C10orf143: variants seen among roughly 807,000 people sequenced by gnomAD.
C10orf143 encodes chromosome 10 open reading frame 143.
intron 3 of C10orf143, among the ~76,000 whole-genome samples, chr10:130,036,222 C>G (rs755698918): frequency 3.9e-5 from 6 of 152,212 alleles, no homozygotes; most frequent in African/African-American, 1.4e-4. Context: ...GGAAGATCCA[C>G]TCACAGAACT....
chr10:130,067,206 A>G (rs1403634148), intron 3 of C10orf143: 2 of 151,708 alleles, frequency 1.3e-5, no homozygotes, highest in African/African-American at 4.9e-5. Flanking sequence ...ACCACGCATG[A>G]ACTCCCTCAA....
chr10:130,043,464 G>T (rs540800117), intron 3 of C10orf143, among the ~76,000 whole-genome samples: 1 of 152,076 alleles, frequency 6.6e-6, no homozygotes, highest in Non-Finnish European at 1.5e-5. Context: ...AAAAAGCCCC[G>T]CCCCTCTGTA....
At position 130,106,383 on chromosome 10, in the gene C10orf143, A is replaced by C. The variant is rs751175348; in HGVS notation, c.69+4321T>G. The C allele has an allele frequency of 3.7e-6, 6 of 1,602,564 alleles. No individual in the cohort carries two copies. In the East Asian group the frequency reaches 1.3e-4, roughly 36 times the overall value. On this transcript the variant is annotated intron_variant, in intron 1 of 3. Coordinates refer to ENST00000637128, the MANE Select transcript of C10orf143 (RefSeq NM_001355042.2). ...GACTATGAAGTAGCGTCATCGTTAGAGGATGCCAGCTTTGAGAAGGCGGCA... is the reference window on the plus strand; with the variant it reads ...GACTATGAAGTAGCGTCATCGTTAGCGGATGCCAGCTTTGAGAAGGCGGCA...
chr10:130,043,007 C>T (rs551348797), intron 3 of C10orf143, among the ~76,000 whole-genome samples: 4 of 152,192 alleles, frequency 2.6e-5, no homozygotes, highest in Admixed American at 2.6e-4. Context: ...GGAGACAGTG[C>T]GGAAGCAAGC....
At chr10:130,100,438 G>A (rs1373295542) in intron 1 of C10orf143, among the ~76,000 whole-genome samples, 1 of 152,024 alleles carries the variant, frequency 6.6e-6, no homozygotes, top group African/African-American at 2.4e-5. Context: ...GCTGAGGCAC[G>A]AGAATTGCTT....
At chr10:130,106,734 A>C (rs762330432) in intron 1 of C10orf143, 1 of 1,257,704 alleles carries the variant, frequency 8.0e-7, no homozygotes, top group Non-Finnish European at 1.2e-6. Context: ...CAAGAAGCTG[A>C]AGTATGGAAC....
At chr10:130,106,808 C>A in intron 1 of C10orf143, 2 of 1,192,058 alleles carry the variant, frequency 1.7e-6, no homozygotes, top group South Asian at 2.4e-5. Flanking sequence ...ACATGCAGAA[C>A]AAGTTCTAAA....
intron 3 of C10orf143, among the ~76,000 whole-genome samples, chr10:130,070,050 G>T (rs1220731133): frequency 6.6e-6 from 1 of 152,056 alleles, no homozygotes; most frequent in South Asian, 2.1e-4. Context: ...AATGGGATTC[G>T]CATCTGACTG....
At chr10:130,057,018 G>A (rs1391077945) in intron 3 of C10orf143, among the ~76,000 whole-genome samples, 3 of 151,430 alleles carry the variant, frequency 2.0e-5, no homozygotes, top group South Asian at 2.1e-4. Context: ...CTCACTACTC[G>A]CTGAAAGTAC....
chr10:130,106,453 G>C, intron 1 of C10orf143: 1 of 1,602,612 alleles, frequency 6.2e-7, no homozygotes. Flanking sequence ...AGTTGAACAG[G>C]TCCAATTCTG....
At chr10:130,099,171 G>T (rs887069831) in intron 1 of C10orf143, among the ~76,000 whole-genome samples, 1 of 151,968 alleles carries the variant, frequency 6.6e-6, no homozygotes, top group African/African-American at 2.4e-5. Flanking sequence ...AACCAAAGAT[G>T]AATTATCATT....
At chr10:130,062,328 G>A (rs1352355030), downstream of C10orf143, among the ~76,000 whole-genome samples, 1 of 152,160 alleles carries the variant, frequency 6.6e-6, no homozygotes, top group Non-Finnish European at 1.5e-5. Context: ...GTCTGTGAGG[G>A]TGTTGCCAAA....
At chr10:130,090,712 C>A (rs1007170256) in intron 1 of C10orf143, among the ~76,000 whole-genome samples, 3 of 151,400 alleles carry the variant, frequency 2.0e-5, no homozygotes, top group African/African-American at 7.3e-5. Context: ...ACCTGGGATG[C>A]TTGAGCTTGG....
chr10:130,057,641 A>AG (rs35924564), intron 3 of C10orf143, among the ~76,000 whole-genome samples: 77,130 of 151,664 alleles, frequency 0.51, 19,829 homozygotes, highest in Admixed American at 0.6. Flanking sequence ...TTGTGGGGGA[A>AG]GGGGGCTTCA....
intron 3 of C10orf143, among the ~76,000 whole-genome samples, chr10:130,036,237 A>G (rs1860543750): frequency 6.6e-6 from 1 of 152,174 alleles, no homozygotes; most frequent in Non-Finnish European, 1.5e-5. Context: ...AGAACTAGGG[A>G]GTGACACAGC....
chr10:130,082,213 T>G (rs922150862), intron 1 of C10orf143, among the ~76,000 whole-genome samples: 1 of 152,040 alleles, frequency 6.6e-6, no homozygotes, highest in Non-Finnish European at 1.5e-5. Context: ...GGTCTCACTA[T>G]GTTGACCAGG....
At chr10:130,054,907 A>G (rs752655726) in intron 3 of C10orf143, among the ~76,000 whole-genome samples, 17 of 152,242 alleles carry the variant, frequency 1.1e-4, no homozygotes, top group Non-Finnish European at 2.4e-4. Flanking sequence ...AAATCCAACC[A>G]TATATGGTCA....
rs149431078 is a variant in C10orf143 at position 130,037,602 on chromosome 10, G to A, written c.298-1632C>T. On this transcript the variant is annotated intron_variant and NMD_transcript_variant, in intron 3 of 5. Transcript: ENST00000643056. ...CAGCCCCACCTGTGCATCCTGCTGA[G>A]GGCAACTGTAGCTCAGCGCCACTGA... 6.8e-3 allele frequency among the ~76,000 whole-genome samples: 1,043 copies of A among 152,352 alleles called. 10 individuals are homozygous for A. Among genetic ancestry groups the A allele is most frequent in the African/African-American group, 0.024 (1,012 of 41,576 alleles).
At position 130,101,420 on chromosome 10, in the gene C10orf143, A is replaced by G. The variant is rs183831278; in HGVS notation, c.69+9284T>C. On this transcript the variant is annotated intron_variant, in intron 1 of 3. Coordinates refer to ENST00000637128, the MANE Select transcript of C10orf143 (RefSeq NM_001355042.2). ...GCCAGAGACAAGAGACACGTTCAAC[A>G]CTGAGGAGCAGAGAGAGGGTGGCTG... Among the ~76,000 whole-genome samples, 243 of 152,202 alleles carry G rather than the reference A, an allele frequency of 1.6e-3. 1 individual carries two copies. Among genetic ancestry groups the G allele is most frequent in the Non-Finnish European group, 2.8e-3 (193 of 68,020 alleles).
Sources: gnomAD v4.1 joint callset for allele counts (sites outside exome capture counted in the v4.1 genomes callset) on GRCh38, gnomAD v4.1.1 for gene constraint, MANE v1.5 for transcripts, NCBI Gene and HGNC (gene_info 2026-07-23, HGNC 2026-07-21) for gene names.